The following PHF21B variants were observed in gnomAD, a reference collection of about 807,000 sequenced individuals.
PHF21B encodes the protein PHD finger protein 4.
Under a neutral mutation model 62.2 loss-of-function variants are expected in PHF21B, and 22 were observed. The observed-to-expected ratio is 0.35, with a 90% CI of 0.25 to 0.51. The LOEUF (loss-of-function observed/expected upper bound fraction) is 0.51, where lower values mean the gene tolerates loss of function less well. PHF21B is among the 20% of genes least tolerant of loss of function. The pLI is 0.97. For synonymous variants in PHF21B, 341 were observed against 314.7 expected, an observed-to-expected ratio of 1.08 and a Z score of -0.88; for missense variants, 701 against 707.9, an observed-to-expected ratio of 0.99 and a Z score of 0.11.
chr22:44,916,273 C>G lies in PHF21B; in HGVS notation c.564+7G>C, dbSNP rs372543007. ...ACCCTTTCCGGAGCCTGCTGGTGGG[C>G]ACTCACCTTGTTGTCAGCACTGATG... is the stretch of plus-strand genomic sequence containing the variant. On this transcript the variant is annotated splice_region_variant and intron_variant, in intron 4 of 12. Transcript: ENST00000313237. 1.2e-6 allele frequency: 2 copies of G among 1,607,234 alleles called. No individual in the cohort carries two copies.
chr22:45,008,952 C>T, intron 1 of PHF21B: 2 of 1,082,846 alleles, frequency 1.8e-6, no homozygotes, highest in Non-Finnish European at 2.2e-6. Flanking sequence ...AACAAAGAGC[C>T]AAGTAAACAC....
chr22:44,906,709 T>C (rs2071257109), intron 5 of PHF21B, among the ~76,000 whole-genome samples: 1 of 152,226 alleles, frequency 6.6e-6, no homozygotes, highest in African/African-American at 2.4e-5. Context: ...ACCGTACATG[T>C]GGTTTCCCTC....
Position 45,009,145 on chromosome 22 carries a change from G to C in PHF21B, c.54+351C>G. On this transcript the variant is annotated intron_variant, in intron 1 of 12. Transcript: ENST00000313237. The surrounding 1 kb of genome is among the most constrained non-coding windows in gnomAD (Gnocchi z 5.9). ...CGCCCGGGGCGCGGGGGCCCGAGGG[G>C]AGGCCGGAAGGGGGCCTATTCGCAC... The C allele has an allele frequency of 1.6e-6, 1 of 608,938 alleles. No homozygotes were observed. Among genetic ancestry groups the C allele is most frequent in the Non-Finnish European group, 2.3e-6 (1 of 435,218 alleles). 37.7% of individuals were successfully genotyped at this position (608,938 alleles called of 1,614,324 possible). A position where few individuals can be genotyped will look rare whatever the true frequency, so the allele number is the denominator to read the frequency against.
chr22:44,975,497 A>C (rs1020043288), intron 2 of PHF21B, among the ~76,000 whole-genome samples: 2 of 152,192 alleles, frequency 1.3e-5, no homozygotes, highest in African/African-American at 4.8e-5. Flanking sequence ...CATGAGTCGC[A>C]AGCAGGTCTC....
chr22:44,933,117 T>TC (rs1038700650), intron 2 of PHF21B, among the ~76,000 whole-genome samples: 5 of 148,292 alleles, frequency 3.4e-5, no homozygotes, highest in Non-Finnish European at 6.0e-5. Flanking sequence ...TTCTATTTCT[T>TC]TTTTTTTTTT....
At chr22:45,008,913 T>C (rs1388454425) in intron 1 of PHF21B, 2 of 1,145,078 alleles carry the variant, frequency 1.7e-6, no homozygotes, top group Non-Finnish European at 2.1e-6. Flanking sequence ...TGAGTGTGAG[T>C]GTGAGTGTGT....
At chr22:44,893,333 C>T in intron 7 of PHF21B, 124 bp downstream of exon 7, 1 of 867,612 alleles carries the variant, frequency 1.2e-6, no homozygotes, top group Non-Finnish European at 1.8e-6. Context: ...AGCCCCACTC[C>T]CAGGAGGGAC....
intron 2 of PHF21B, among the ~76,000 whole-genome samples, chr22:44,965,598 C>G (rs1407496089): frequency 6.6e-6 from 1 of 152,214 alleles, no homozygotes; most frequent in Non-Finnish European, 1.5e-5. Flanking sequence ...CCTTTCCCAG[C>G]ACCCCGAGCT....
At chr22:44,933,606 G>T in intron 2 of PHF21B, 3 of 919,640 alleles carry the variant, frequency 3.3e-6, no homozygotes, top group Non-Finnish European at 3.9e-6. Context: ...ACATAGAAGG[G>T]GTAAGCGTTA....
intron 2 of PHF21B, among the ~76,000 whole-genome samples, chr22:44,941,739 C>G (rs946185715): frequency 1.3e-5 from 2 of 152,144 alleles, no homozygotes; most frequent in African/African-American, 4.8e-5. Context: ...GGCGGCAGGG[C>G]CTTCATTCTG....
Position 44,987,836 on chromosome 22 carries a change from T to C in PHF21B, c.120+20709A>G, listed in dbSNP as rs147681086. On this transcript the variant is annotated intron_variant, in intron 2 of 12. Coordinates refer to ENST00000313237, the MANE Select transcript of PHF21B (RefSeq NM_138415.5). ...TCTCTATCTCACCCTTCACCCCTCA[T>C]TGGCTATCAGGCCATAGATTATAAA... Among the ~76,000 whole-genome samples the C allele has an allele frequency of 1.8e-3, 261 of 149,044 alleles. 1 individual carries two copies. Among genetic ancestry groups the C allele is most frequent in the African/African-American group, 6.0e-3 (246 of 40,754 alleles).
chr22:44,898,930 C>A (rs999607992), intron 5 of PHF21B, among the ~76,000 whole-genome samples: 1 of 152,156 alleles, frequency 6.6e-6, no homozygotes, highest in South Asian at 2.1e-4. Flanking sequence ...CCACTTTAAT[C>A]ATATACTAAA....
In PHF21B at chr22:45,001,496, C is replaced by T. The variant is rs138763348; in HGVS notation, c.120+7049G>A. On this transcript the variant is annotated intron_variant, in intron 2 of 12. Coordinates refer to ENST00000313237, the MANE Select transcript of PHF21B (RefSeq NM_138415.5). ...GTGAGCCTGGTGGCCAGACATCTCA[C>T]ACAAATACCTCACTGGGCCTCGACA... Among the ~76,000 whole-genome samples, 233 of 152,308 alleles carry T rather than the reference C, an allele frequency of 1.5e-3. 1 individual carries two copies. Among genetic ancestry groups the T allele is most frequent in the African/African-American group, 5.5e-3 (227 of 41,570 alleles).
Position 44,998,825 on chromosome 22 carries a change from C to A in PHF21B, c.120+9720G>T, listed in dbSNP as rs371282989. Among the ~76,000 whole-genome samples, 5 of 152,278 alleles carry A rather than the reference C, an allele frequency of 3.3e-5. No homozygotes were observed. In the East Asian group the frequency reaches 7.7e-4, roughly 24 times the overall value. ...CTCTACTCAACTCCTGGCTGCACCTCGGGAATCACGCCCGGTGCGTACAAT... is the reference window on the plus strand; with the variant it reads ...CTCTACTCAACTCCTGGCTGCACCTAGGGAATCACGCCCGGTGCGTACAAT... On this transcript the variant is annotated intron_variant, in intron 2 of 12. Transcript: ENST00000313237.
At chr22:44,936,234 A>G (rs1051425662) in intron 2 of PHF21B, among the ~76,000 whole-genome samples, 1 of 152,174 alleles carries the variant, frequency 6.6e-6, no homozygotes, top group South Asian at 2.1e-4. Context: ...TGTCACCTGC[A>G]TGAGCCCTGG....
At chr22:45,008,443 T>A in intron 2 of PHF21B, 102 bp downstream of exon 2, 1 of 1,130,160 alleles carries the variant, frequency 8.8e-7, no homozygotes, top group East Asian at 3.2e-5. Context: ...CCTCTGGGAG[T>A]CTGAGCGTGC....
At chr22:44,898,544 C>T (rs2071099903) in intron 5 of PHF21B, among the ~76,000 whole-genome samples, 1 of 152,140 alleles carries the variant, frequency 6.6e-6, no homozygotes, top group Non-Finnish European at 1.5e-5. Context: ...AGACTCCACT[C>T]AGGCAGGGCT....
At chr22:44,895,116 A>C (rs1021406344) in intron 6 of PHF21B, among the ~76,000 whole-genome samples, 1 of 152,194 alleles carries the variant, frequency 6.6e-6, no homozygotes, top group African/African-American at 2.4e-5. Context: ...ACGCCTTTGC[A>C]GGTGAGGTGG....
intron 2 of PHF21B, among the ~76,000 whole-genome samples, chr22:44,936,437 C>A (rs906114837): frequency 6.6e-6 from 1 of 152,202 alleles, no homozygotes; most frequent in Non-Finnish European, 1.5e-5. Context: ...CGCCTCCTGT[C>A]CCCAGCCCCT....
Sources: gnomAD v4.1 joint callset for allele counts (sites outside exome capture counted in the v4.1 genomes callset) on GRCh38, gnomAD v4.1.1 for gene constraint, Gnocchi (gnomAD v3.1) non-coding constraint, MANE v1.5 for transcripts, NCBI Gene and HGNC (gene_info 2026-07-23, HGNC 2026-07-21) for gene names.